The following NUP62CL variants were observed in gnomAD, a reference collection of about 807,000 sequenced individuals.
NUP62CL encodes the protein nucleoporin 62 C-terminal like.
A neutral mutation model predicts 15.3 loss-of-function variants in NUP62CL; 13 were observed. That is an observed-to-expected ratio of 0.85 (90% CI 0.55 to 1.35). The LOEUF is 1.35. NUP62CL is among the 40% of genes most tolerant of loss of function. The pLI is 0.00. For synonymous variants in NUP62CL, 54 were observed against 49.2 expected (o/e 1.10, Z -0.41); for missense variants, 123 against 130.6 (o/e 0.94, Z 0.28).
At chrX:107,160,291 C>A (rs1173080981) in intron 4 of NUP62CL, among the ~76,000 whole-genome samples, 5 of 105,711 alleles carry the variant, frequency 4.7e-5, no homozygotes, top group African/African-American at 7.2e-5. Context: ...CTTTAAAGTT[C>A]ATATGGAACC....
chrX:107,155,973 G>A (rs965241104), intron 4 of NUP62CL, among the ~76,000 whole-genome samples: 2 of 112,413 alleles, frequency 1.8e-5, no homozygotes, highest in African/African-American at 3.2e-5. Context: ...CCTGGGAAGC[G>A]CAAGGGGTCA....
chrX:107,204,945 ATTAT>A (rs1927635403), intron 1 of NUP62CL, among the ~76,000 whole-genome samples: 1 of 106,643 alleles, frequency 9.4e-6, no homozygotes, highest in Admixed American at 1.0e-4. Context: ...TTTTAAATAA[ATTAT>A]TTATTTAAAT....
intron 8 of NUP62CL, among the ~76,000 whole-genome samples, chrX:107,144,257 T>G (rs1426710229): frequency 8.9e-6 from 1 of 111,966 alleles, no homozygotes; most frequent in Non-Finnish European, 1.9e-5. Flanking sequence ...GGTACATGAC[T>G]AAGATTTGTT....
At chrX:107,145,846 G>A (rs1452560446) in intron 8 of NUP62CL, among the ~76,000 whole-genome samples, 2 of 110,314 alleles carry the variant, frequency 1.8e-5, no homozygotes, top group Admixed American at 9.7e-5. Flanking sequence ...TTCTCATAAC[G>A]AACTTTTTGA....
At chrX:107,203,082 T>C (rs1927525326) in intron 1 of NUP62CL, among the ~76,000 whole-genome samples, 1 of 108,794 alleles carries the variant, frequency 9.2e-6, no homozygotes, top group African/African-American at 3.4e-5. Flanking sequence ...GTCAAATTCA[T>C]ACATCCAAGA....
At chrX:107,169,521 T>C (rs1172370526) in intron 3 of NUP62CL, among the ~76,000 whole-genome samples, 6 of 112,072 alleles carry the variant, frequency 5.4e-5, no homozygotes, top group Non-Finnish European at 1.1e-4. Context: ...CCATTCTTTA[T>C]GTTAGCCCTT....
At chrX:107,197,091 A>G (rs760079192) in intron 1 of NUP62CL, among the ~76,000 whole-genome samples, 1 of 111,436 alleles carries the variant, frequency 9.0e-6, no homozygotes, top group East Asian at 2.8e-4. Flanking sequence ...ACACTACTGG[A>G]TTTTTCTTCC....
intron 3 of NUP62CL, among the ~76,000 whole-genome samples, chrX:107,170,510 T>C (rs1468329722): frequency 9.1e-6 from 1 of 109,332 alleles, no homozygotes; most frequent in African/African-American, 3.3e-5. Context: ...CCACCTGGGT[T>C]CAAGTGATTC....
At chrX:107,135,574 G>A (rs1342919519) in intron 8 of NUP62CL, among the ~76,000 whole-genome samples, 1 of 111,597 alleles carries the variant, frequency 9.0e-6, no homozygotes, top group African/African-American at 3.3e-5. Flanking sequence ...AAATGACCTC[G>A]AGTTTGGCTT....
chrX:107,194,805 T>TTC (rs200877180), intron 1 of NUP62CL, among the ~76,000 whole-genome samples: 2 of 91,434 alleles, frequency 2.2e-5, no homozygotes, highest in African/African-American at 4.6e-5. Context: ...TTTCTTTTCT[T>TTC]TCTCTCTTTT....
In NUP62CL at chrX:107,137,089, T is replaced by G. The variant is rs1356417381; in HGVS notation, c.*42+10654A>C. Among the ~76,000 whole-genome samples, 3 of 110,951 alleles carry G rather than the reference T, an allele frequency of 2.7e-5. No homozygotes were observed. The East Asian group carries it at 8.4e-4, about 31-fold the overall frequency. ...CAAAACATAAAATAAAATAAAATTA[T>G]TATATCTCAATGTAATCCACTGTAT... On this transcript the variant is annotated intron_variant, in intron 8 of 8. Coordinates refer to ENST00000372466, the MANE Select transcript of NUP62CL (RefSeq NM_017681.3).
At chrX:107,166,773 C>G (rs6523928) in intron 4 of NUP62CL, among the ~76,000 whole-genome samples, 34,294 of 110,443 alleles carry the variant, frequency 0.31, 5,136 homozygotes, top group African/African-American at 0.56. Context: ...CACACGACAA[C>G]TTGGGTGGAT....
chrX:107,198,677 C>T (rs770077810), intron 1 of NUP62CL, among the ~76,000 whole-genome samples: 1 of 111,059 alleles, frequency 9.0e-6, no homozygotes, highest in Admixed American at 9.6e-5. Flanking sequence ...TGAACAACTC[C>T]AGACACACTG....
rs146193452 is a variant in NUP62CL, at chrX:107,150,466, G to A, written c.531-2657C>T. On this transcript the variant is annotated intron_variant, in intron 7 of 8. Coordinates refer to ENST00000372466, the MANE Select transcript of NUP62CL (RefSeq NM_017681.3). Reference sequence around the variant, plus strand: ...GGCAGGAAGAAACACTATAGAAGACGGAAAAAAGGGACTAGCTTAAAAGAA... The same window carrying A: ...GGCAGGAAGAAACACTATAGAAGACAGAAAAAAGGGACTAGCTTAAAAGAA... 3.1e-3 allele frequency among the ~76,000 whole-genome samples: 350 copies of A among 111,464 alleles called. 1 individual carries two copies. The highest frequency in any genetic ancestry group is 0.011 in the African/African-American group (335 of 30,657).
intron 2 of NUP62CL, among the ~76,000 whole-genome samples, chrX:107,182,975 A>C (rs1193576172): frequency 1.8e-5 from 2 of 111,259 alleles, no homozygotes; most frequent in Non-Finnish European, 3.8e-5. Context: ...AAGAGGGAGG[A>C]TCATTTGAGG....
intron 2 of NUP62CL, among the ~76,000 whole-genome samples, chrX:107,182,573 TA>T (rs35889021): frequency 0.28 from 31,070 of 109,582 alleles, 4,013 homozygotes; most frequent in East Asian, 0.48. Flanking sequence ...CACTACAAGA[TA>T]GGGGGGGCAT....
intron 4 of NUP62CL, among the ~76,000 whole-genome samples, chrX:107,164,429 C>A (rs1260703641): frequency 9.1e-6 from 1 of 110,353 alleles, no homozygotes; most frequent in Non-Finnish European, 1.9e-5. Context: ...TGAGTTCATA[C>A]CTCAACGAAC....
rs1925522167 is a variant in NUP62CL at position 107,131,688 on chromosome X, A to T, written c.*43-7356T>A. ...GAGGATGGAGAAGAGGAGGAAGAGGAGGAGCAGTTGGTTCTAGTGGAATTA... is the reference window on the plus strand; with the variant it reads ...GAGGATGGAGAAGAGGAGGAAGAGGTGGAGCAGTTGGTTCTAGTGGAATTA... On this transcript the variant is annotated intron_variant, in intron 8 of 8. Transcript: ENST00000372466. 1.2e-5 allele frequency: 8 copies of T among 681,527 alleles called. No homozygotes were observed. The South Asian group carries it at 1.7e-4, about 15-fold the overall frequency. 56.2% of individuals were successfully genotyped at this position (681,527 alleles called of 1,213,427 possible). A position where few individuals can be genotyped will look rare whatever the true frequency, so the allele number is the denominator to read the frequency against.
chrX:107,186,354 T>C (rs1283601582), intron 2 of NUP62CL, among the ~76,000 whole-genome samples: 3 of 112,051 alleles, frequency 2.7e-5, no homozygotes, highest in Non-Finnish European at 5.6e-5. Flanking sequence ...AAACAGTTAC[T>C]ATAGTTAAGC....
Sources: gnomAD v4.1 joint callset for allele counts (sites outside exome capture counted in the v4.1 genomes callset) on GRCh38, gnomAD v4.1.1 for gene constraint, MANE v1.5 for transcripts, NCBI Gene and HGNC (gene_info 2026-07-23, HGNC 2026-07-21) for gene names.